The following PAK4 variants were observed in gnomAD, a reference collection of about 807,000 sequenced individuals.
PAK4 encodes p21 (RAC1) activated kinase 4, also known as serine/threonine-protein kinase PAK 4.
PAK4 carries 49 observed loss-of-function variants against 53.5 expected under a neutral mutation model. That is an observed-to-expected ratio of 0.92 (90% CI 0.73 to 1.16). PAK4 has a LOEUF of 1.16. Ranked by LOEUF, PAK4 falls within the 50% of genes most tolerant of loss-of-function variation. The probability of loss-of-function intolerance (pLI) is 0.00; values close to 1 mark genes in which losing one functional copy is unlikely to be tolerated. For missense variants in PAK4, 824 were observed against 850.7 expected (o/e 0.97, Z 0.39); for synonymous variants, 376 against 375.6 (o/e 1.00, Z -0.01).
At chr19:39,147,215 T>G (rs1368341081) in intron 1 of PAK4, among the ~76,000 whole-genome samples, 1 of 152,106 alleles carries the variant, frequency 6.6e-6, no homozygotes, top group African/African-American at 2.4e-5. Flanking sequence ...TATTCCCCCA[T>G]TGTTAGGATT....
intron 2 of PAK4, among the ~76,000 whole-genome samples, chr19:39,171,168 C>A (rs995781600): frequency 6.6e-6 from 1 of 151,662 alleles, no homozygotes; most frequent in South Asian, 2.1e-4. Flanking sequence ...TGCCCTTGAC[C>A]GGGCCTCAGG....
At chr19:39,176,292 C>T (rs1354830580) in intron 6 of PAK4, among the ~76,000 whole-genome samples, 1 of 152,248 alleles carries the variant, frequency 6.6e-6, no homozygotes, top group Non-Finnish European at 1.5e-5. Flanking sequence ...CTGTTCCCAG[C>T]TCCGGCCCTG....
chr19:39,153,772 G>A (rs562285894), intron 1 of PAK4, among the ~76,000 whole-genome samples: 1 of 152,196 alleles, frequency 6.6e-6, no homozygotes, highest in South Asian at 2.1e-4. Flanking sequence ...ATGTAGAGAT[G>A]GGGTTTCACA....
rs912928720 is a variant in PAK4 at position 39,173,793 on chromosome 19, G to A, written c.881G>A (p.Arg294Gln). 1.0e-4 allele frequency: 166 copies of A among 1,608,090 alleles called. No individual in the cohort carries two copies. The highest frequency in any genetic ancestry group is 1.3e-4 in the Non-Finnish European group (149 of 1,178,532). ...CCCCCTGGCCCCCGCTCACCACAGC[G>A]GGAGCCACAGCGAGTATCCCATGAG... Residue 294 changes from arginine to glutamine, a missense_variant, in exon 4 of 9, where the codon CGG becomes CAG. Around this residue, in one of 2 missense-constraint regions of PAK4, gnomAD observed 478 missense variants for 435.8 expected, o/e 1.10. Coordinates refer to ENST00000358301, the Ensembl canonical transcript of PAK4. The surrounding 1 kb of genome is among the most constrained non-coding windows in gnomAD (Gnocchi z 6.9).
rs2074658769 is a variant in PAK4 at position 39,178,579 on chromosome 19, A to G, written c.1776A>G (p.Ter592TrpextTer19). The G allele has an allele frequency of 6.3e-7, 1 of 1,586,880 alleles. No homozygotes were observed. Among genetic ancestry groups the G allele is most frequent in the African/African-American group, 1.3e-5 (1 of 74,434 alleles). The change falls in exon 9 of 9, where the codon TGA becomes TGG. Residue 592 changes from the stop codon to tryptophan, a stop_lost. Coordinates refer to ENST00000358301, the Ensembl canonical transcript of PAK4. The surrounding 1 kb of genome is among the most constrained non-coding windows in gnomAD (Gnocchi z 4.4). Reference sequence around the variant, plus strand: ...TCATGCGCCAGAACCGCACCAGATGAGGCCCAGCGCCCTTCCCCTCAACCA... The same window carrying G: ...TCATGCGCCAGAACCGCACCAGATGGGGCCCAGCGCCCTTCCCCTCAACCA...
At chr19:39,160,021 G>A (rs911309655) in intron 1 of PAK4, among the ~76,000 whole-genome samples, 8 of 152,376 alleles carry the variant, frequency 5.3e-5, no homozygotes, top group Admixed American at 2.6e-4. Flanking sequence ...GATTCCCAGC[G>A]TAGGCCATGT....
chr19:39,169,522 C>T lies in PAK4; in HGVS notation c.-22-10C>T, dbSNP rs751248136. 15 of 1,595,398 alleles carry T rather than the reference C, an allele frequency of 9.4e-6. No individual in the cohort carries two copies. The East Asian group carries it at 3.4e-4, about 36-fold the overall frequency. ...GGCTCTCACTCACCCACCGTGATTC[C>T]CTCCCGCAGGCCGCACCGAGTCCCC... is the stretch of plus-strand genomic sequence containing the variant. On this transcript the variant is annotated splice_polypyrimidine_tract_variant and intron_variant, in intron 1 of 8. Transcript: ENST00000358301.
At position 39,148,178 on chromosome 19, in the gene PAK4, C is replaced by CTGACCTCAGG. The variant is rs753416053; in HGVS notation, c.-22-21350_-22-21341dup. Among the ~76,000 whole-genome samples the CTGACCTCAGG allele has an allele frequency of 2.7e-3, 408 of 151,972 alleles. 1 individual carries two copies. The highest frequency in any genetic ancestry group is 5.4e-3 in the South Asian group (26 of 4,822). On this transcript the variant is annotated intron_variant, in intron 1 of 8. Transcript: ENST00000358301. The stretch of plus-strand genomic sequence containing the variant: ...TGTTGGCCAGGCTGGTCTCGAACTC[C>CTGACCTCAGG]TGACCTCAGGTGATCCGCCTGCCTC...
At chr19:39,174,465 G>T (rs1268481496) in intron 4 of PAK4, among the ~76,000 whole-genome samples, 1 of 151,478 alleles carries the variant, frequency 6.6e-6, no homozygotes, top group Non-Finnish European at 1.5e-5. Flanking sequence ...AGAGACCCTG[G>T]CAGTGCCCCG....
At chr19:39,140,055 C>T (rs1420318270) in intron 1 of PAK4, among the ~76,000 whole-genome samples, 1 of 152,186 alleles carries the variant, frequency 6.6e-6, no homozygotes, top group Non-Finnish European at 1.5e-5. Context: ...TTGGCGATGG[C>T]AGTCTCTGTC....
intron 1 of PAK4, among the ~76,000 whole-genome samples, chr19:39,144,117 T>TAGATAGATAGAC (rs1241014432): frequency 4.0e-5 from 5 of 124,570 alleles, no homozygotes; most frequent in African/African-American, 1.4e-4. Flanking sequence ...GATAGATAGA[T>TAGATAGATAGAC]AGACAGACAG....
Position 39,178,563 on chromosome 19 carries a change from A to G in PAK4, c.1760A>G (p.Gln587Arg), listed in dbSNP as rs1270356955. Residue 587 changes from glutamine (Q) to arginine (R), a missense_variant, in exon 9 of 9, where the codon CAG becomes CGG. By Grantham distance (43) the Gln-to-Arg change is conservative (BLOSUM62 1). Transcript: ENST00000358301. The surrounding 1 kb of genome is among the most constrained non-coding windows in gnomAD (Gnocchi z 4.4). The stretch of plus-strand genomic sequence containing the variant: ...GCCAGCATCGTGCCCCTCATGCGCC[A>G]GAACCGCACCAGATGAGGCCCAGCG... The G allele has an allele frequency of 1.2e-6, 2 of 1,603,624 alleles. No individual in the cohort carries two copies. The highest frequency in any genetic ancestry group is 1.7e-6 in the Non-Finnish European group (2 of 1,174,586).
chr19:39,147,841 G>T (rs1443978911), intron 1 of PAK4, among the ~76,000 whole-genome samples: 5 of 13,228 alleles, frequency 3.8e-4, no homozygotes, highest in African/African-American at 6.9e-4. Flanking sequence ...TTGTTTTCGG[G>T]TTTTTTTTTT....
chr19:39,157,510 T>A (rs914456453), intron 1 of PAK4, among the ~76,000 whole-genome samples: 3 of 152,154 alleles, frequency 2.0e-5, no homozygotes, highest in Admixed American at 6.5e-5. Flanking sequence ...TTGCTGCGCA[T>A]GTACTCTGAG....
At chr19:39,156,436 C>G (rs1439803843) in intron 1 of PAK4, among the ~76,000 whole-genome samples, 2 of 152,234 alleles carry the variant, frequency 1.3e-5, no homozygotes, top group African/African-American at 4.8e-5. Flanking sequence ...TAGTCACCCC[C>G]TCCAGCCCCT....
Position 39,165,010 on chromosome 19 carries a change from G to A in PAK4, c.-22-4522G>A, listed in dbSNP as rs534449178. Among the ~76,000 whole-genome samples the A allele has an allele frequency of 6.6e-5, 10 of 151,818 alleles. No individual in the cohort carries two copies. The South Asian group carries it at 1.5e-3, about 22-fold the overall frequency. ...CAGCCATTGGGGAGGTGGGGGCCCCGGGGCCCACTTTGTGCTTCCTCCCAC... is the reference window on the plus strand; with the variant it reads ...CAGCCATTGGGGAGGTGGGGGCCCCAGGGCCCACTTTGTGCTTCCTCCCAC... On this transcript the variant is annotated intron_variant, in intron 1 of 8. Coordinates refer to ENST00000358301, the Ensembl canonical transcript of PAK4.
At chr19:39,163,819 G>C (rs1190965905) in intron 1 of PAK4, among the ~76,000 whole-genome samples, 1 of 152,118 alleles carries the variant, frequency 6.6e-6, no homozygotes, top group Non-Finnish European at 1.5e-5. Flanking sequence ...GGGTGCTGCT[G>C]GGCCTTGTCC....
intron 2 of PAK4, among the ~76,000 whole-genome samples, chr19:39,171,685 C>T (rs2074483211): frequency 6.6e-6 from 1 of 152,206 alleles, no homozygotes; most frequent in Non-Finnish European, 1.5e-5. Context: ...TGGAGGATGC[C>T]TGGCAGCCCC....
chr19:39,171,668 C>T (rs887673631), intron 2 of PAK4, among the ~76,000 whole-genome samples: 1 of 152,238 alleles, frequency 6.6e-6, no homozygotes, highest in African/African-American at 2.4e-5. Context: ...ACAGGCAGGC[C>T]TCTGGCTGGA....
Sources: allele counts gnomAD v4.1 joint callset (sites outside exome capture counted in the v4.1 genomes callset), GRCh38; gene constraint gnomAD v4.1.1; regional missense constraint gnomAD v4.1.1; non-coding constraint Gnocchi (gnomAD v3.1); transcripts MANE v1.5; gene names NCBI Gene and HGNC (gene_info 2026-07-23, HGNC 2026-07-21).